REDIC1: variants seen among roughly 807,000 people sequenced by gnomAD.
REDIC1 encodes the protein regulator of DNA class I crossover intermediates 1.
the REDIC1 span, among the ~76,000 whole-genome samples, chr12:39,701,448 AGTGACCTACAAAGAG>A: frequency 6.6e-6 from 1 of 152,224 alleles, no homozygotes; most frequent in African/African-American, 2.4e-5. Flanking sequence ...AAGATTCCTG[AGTGACCTACAAAGAG>A]ACGTAGACTC....
the REDIC1 span, among the ~76,000 whole-genome samples, chr12:39,807,468 AC>A: frequency 1.9e-4 from 29 of 152,340 alleles, no homozygotes; most frequent in African/African-American, 6.5e-4. Flanking sequence ...TGGGATCTCT[AC>A]ATTATTTCTT....
the REDIC1 span, among the ~76,000 whole-genome samples, chr12:39,690,282 G>A: frequency 3.9e-5 from 6 of 152,184 alleles, no homozygotes; most frequent in Non-Finnish European, 7.3e-5. Context: ...AGCCTTTGAT[G>A]GGAGTGGGAG....
the REDIC1 span, among the ~76,000 whole-genome samples, chr12:39,804,876 A>C: frequency 6.6e-6 from 1 of 152,206 alleles, no homozygotes; most frequent in Non-Finnish European, 1.5e-5. Context: ...CAGGGTGGGT[A>C]GTTCTACTGT....
the REDIC1 span, among the ~76,000 whole-genome samples, chr12:39,792,573 G>A: frequency 1.3e-5 from 2 of 152,124 alleles, no homozygotes; most frequent in Non-Finnish European, 2.9e-5. Context: ...GCCTCTGCCA[G>A]GTGTGTATAC....
chr12:39,875,924 T>C, the REDIC1 span, among the ~76,000 whole-genome samples: 3 of 152,196 alleles, frequency 2.0e-5, no homozygotes, highest in African/African-American at 7.2e-5. Context: ...ACTGTATTCA[T>C]TCAAAAGTTG....
the REDIC1 span, among the ~76,000 whole-genome samples, chr12:39,732,948 TTTC>T: frequency 1.3e-5 from 2 of 152,124 alleles, no homozygotes; most frequent in Non-Finnish European, 2.9e-5. Context: ...AAACAGACCA[TTTC>T]TCCAAGAAGT....
At chr12:39,628,615 A>G in the REDIC1 span, among the ~76,000 whole-genome samples, 3 of 152,300 alleles carry the variant, frequency 2.0e-5, no homozygotes, top group Non-Finnish European at 2.9e-5. Context: ...TTCAACAGAA[A>G]GTAATTCAGC....
chr12:39,887,126 C>A, the REDIC1 span, among the ~76,000 whole-genome samples: 15 of 151,980 alleles, frequency 9.9e-5, no homozygotes, highest in Non-Finnish European at 1.9e-4. Flanking sequence ...AAATGTAAAC[C>A]CTTATTCATA....
chr12:39,845,923 G>C, the REDIC1 span, among the ~76,000 whole-genome samples: 1 of 152,226 alleles, frequency 6.6e-6, no homozygotes, highest in Admixed American at 6.5e-5. Context: ...AGGAGGCTTA[G>C]AAAAGAACAG....
At chr12:39,686,472 C>CTGGA in the REDIC1 span, among the ~76,000 whole-genome samples, 1 of 152,200 alleles carries the variant, frequency 6.6e-6, no homozygotes, top group African/African-American at 2.4e-5. Context: ...ATGGCTGGAG[C>CTGGA]TGGAGTGACT....
At chr12:39,719,338 AG>A in the REDIC1 span, among the ~76,000 whole-genome samples, 1 of 152,188 alleles carries the variant, frequency 6.6e-6, no homozygotes, top group Non-Finnish European at 1.5e-5. Context: ...GATAAGAAAT[AG>A]CACTTAGCCA....
chr12:39,750,135 T>A, the REDIC1 span, among the ~76,000 whole-genome samples: 1 of 152,230 alleles, frequency 6.6e-6, no homozygotes, highest in Non-Finnish European at 1.5e-5. Context: ...ATTGTCCCTG[T>A]TTGCAGATGA....
the REDIC1 span, among the ~76,000 whole-genome samples, chr12:39,704,236 A>C: frequency 1.3e-5 from 2 of 152,148 alleles, no homozygotes; most frequent in Non-Finnish European, 1.5e-5. Flanking sequence ...AGAAAAAAAA[A>C]CAACCCCATC....
chr12:39,685,434 G>C, the REDIC1 span, among the ~76,000 whole-genome samples: 1 of 152,056 alleles, frequency 6.6e-6, no homozygotes. Context: ...AGGTGCCACA[G>C]ACTTTTAAAT....
chr12:39,825,374 G>A, the REDIC1 span, among the ~76,000 whole-genome samples: 488 of 152,196 alleles, frequency 3.2e-3, 1 homozygote, highest in African/African-American at 0.011. Context: ...TTAGAAATTG[G>A]AAACTATCTG....
the REDIC1 span, among the ~76,000 whole-genome samples, chr12:39,701,997 A>C: frequency 0.79 from 119,209 of 150,760 alleles, 47,839 homozygotes; most frequent in Non-Finnish European, 0.86. Context: ...GGAAAGATCC[A>C]AAATTGACAC....
At chr12:39,688,637 G>T in the REDIC1 span, among the ~76,000 whole-genome samples, 6 of 152,158 alleles carry the variant, frequency 3.9e-5, no homozygotes, top group Non-Finnish European at 5.9e-5. Flanking sequence ...AGAGGAATAT[G>T]ATGACATCGT....
At chr12:39,824,273 A>G in the REDIC1 span, among the ~76,000 whole-genome samples, 303 of 152,280 alleles carry the variant, frequency 2.0e-3, 1 homozygote, top group Non-Finnish European at 3.5e-3. Flanking sequence ...TTTTCTTCCA[A>G]TGTGGTCTGA....
At chr12:39,720,801 A>G in the REDIC1 span, 1 of 1,607,772 alleles carries the variant, frequency 6.2e-7, no homozygotes, top group Non-Finnish European at 8.5e-7. Flanking sequence ...CTGAAGATGA[A>G]GATCAAATAT....
Sources: allele counts gnomAD v4.1 joint callset (sites outside exome capture counted in the v4.1 genomes callset), GRCh38; gene constraint gnomAD v4.1.1; transcripts MANE v1.5; gene names NCBI Gene and HGNC (gene_info 2026-07-23, HGNC 2026-07-21).